Variants in METTL13 observed in about 807,000 individuals in gnomAD.
The protein encoded by METTL13 is eEF1A lysine and N-terminal methyltransferase.
In METTL13, 52 loss-of-function variants were observed where a neutral mutation model predicts 67.4. That is an observed-to-expected ratio of 0.77 (90% CI 0.62 to 0.97). The LOEUF (loss-of-function observed/expected upper bound fraction) is 0.97. Ranked by LOEUF, METTL13 falls within the 50% of genes least tolerant of loss-of-function variation. METTL13 has a pLI of 0.00. For synonymous variants in METTL13, 354 were observed against 353.6 expected, an observed-to-expected ratio of 1.00 and a Z score of -0.01; for missense variants, 825 against 889.6, an observed-to-expected ratio of 0.93 and a Z score of 0.92.
At chr1:171,791,716 G>A (rs1017377998) in intron 5 of METTL13, among the ~76,000 whole-genome samples, 1 of 152,010 alleles carries the variant, frequency 6.6e-6, no homozygotes, top group Admixed American at 6.6e-5. Flanking sequence ...TGCCCACCTC[G>A]GCCTCCCAAA....
At position 171,796,588 on chromosome 1, in the gene METTL13, T is replaced by C. The variant is rs770325575; in HGVS notation, c.1932T>C (p.Gly644=). 1 of 1,613,978 alleles carries C rather than the reference T, an allele frequency of 6.2e-7. No individual in the cohort carries two copies. The highest frequency in any genetic ancestry group is 1.7e-5 in the Admixed American group (1 of 59,992). The change falls in exon 8 of 8, where the codon GGT becomes GGC. Residue 644 remains glycine (G), a synonymous_variant. Transcript: ENST00000361735. The part of the protein sequence containing the change: ...FPLLYVRRIE[G]EVNEILFCQL... ...TCCTATATGTCCGGCGAATTGAGGG[T>C]GAAGTGAATGAGATCCTGTTCTGTC...
At position 171,797,333 on chromosome 1, in the gene METTL13, G is replaced by C. The variant is rs1187987654; in HGVS notation, c.*577G>C. ...ACTTCATTATTTGACAGCTTTCCTT[G>C]GTGACCCAAACCTTGTAGCCTAAGC... On this transcript the variant is annotated 3_prime_UTR_variant, in exon 8 of 8. Coordinates refer to ENST00000361735, the MANE Select transcript of METTL13 (RefSeq NM_015935.5). The C allele has an allele frequency of 6.5e-6, 1 of 152,986 alleles. No homozygotes were observed. The highest frequency in any genetic ancestry group is 1.5e-5 in the Non-Finnish European group (1 of 68,734). The allele number at this position is 152,986 out of a possible 1,614,324, so 9.5% of individuals were successfully genotyped here. A position where few individuals can be genotyped will look rare whatever the true frequency, so the allele number is the denominator to read the frequency against.
Position 171,792,125 on chromosome 1 carries a change from C to T in METTL13, c.1583C>T (p.Ser528Phe), listed in dbSNP as rs747849367. 12 of 1,614,108 alleles carry T rather than the reference C, an allele frequency of 7.4e-6. No homozygotes were observed. Among genetic ancestry groups the T allele is most frequent in the Non-Finnish European group, 1.0e-5 (12 of 1,180,024 alleles). Residue 528 changes from serine (S) to phenylalanine (F), a missense_variant, in exon 6 of 8, where the codon TCC (serine) becomes TTC (phenylalanine). Physicochemically the swap from Ser to Phe is radical, Grantham distance 155. Transcript: ENST00000361735. ...ATTGATGCTGTGGAGATCGATCCCT[C>T]CATGTTGGAAGTGGCCACCCAGTGG... Reference protein sequence around the residue: ...SCIDAVEIDPSMLEVATQWFG... With the variant: ...SCIDAVEIDPFMLEVATQWFG...
intron 6 of METTL13, among the ~76,000 whole-genome samples, chr1:171,793,768 G>C (rs1016702209): frequency 6.6e-6 from 1 of 152,150 alleles, no homozygotes; most frequent in African/African-American, 2.4e-5. Flanking sequence ...CTTGTTCATG[G>C]AACTGCAAAG....
rs1311162816 is a variant in METTL13 at position 171,787,473 on chromosome 1, G to T, written c.1114-262G>T. ...TTACTGATGAGAAAAACCCCTAAAAGAACTTGGGGAGAATCAGCTGCATCT... is the reference window on the plus strand; with the variant it reads ...TTACTGATGAGAAAAACCCCTAAAATAACTTGGGGAGAATCAGCTGCATCT... On this transcript the variant is annotated intron_variant, in intron 3 of 7. Coordinates refer to ENST00000361735, the MANE Select transcript of METTL13 (RefSeq NM_015935.5). 5.3e-5 allele frequency among the ~76,000 whole-genome samples: 8 copies of T among 152,264 alleles called. No homozygotes were observed. The South Asian group carries it at 8.3e-4, about 16-fold the overall frequency.
chr1:171,786,176 T>A, intron 3 of METTL13, 98 bp downstream of exon 3: 8 of 1,263,914 alleles, frequency 6.3e-6, no homozygotes, highest in South Asian at 3.0e-5. Context: ...CTAGAGTCTG[T>A]GACTCTTCAT....
chr1:171,791,077 T>A lies in METTL13; in HGVS notation c.1474+461T>A, dbSNP rs188969648. 1.7e-3 allele frequency among the ~76,000 whole-genome samples: 265 copies of A among 152,384 alleles called. 2 individuals are homozygous for A. The highest frequency in any genetic ancestry group is 1.4e-3 in the Non-Finnish European group (94 of 68,028). ...TGCATTAGTGAAATTGTTCATGTTT[T>A]GTCTGTGATTGTAACCGTTTTCACC... is the stretch of plus-strand genomic sequence containing the variant. On this transcript the variant is annotated intron_variant, in intron 5 of 7. Transcript: ENST00000361735.
In METTL13 at chr1:171,787,745, T is replaced by C; in HGVS notation, c.1124T>C (p.Leu375Pro). 1 of 1,611,636 alleles carries C rather than the reference T, an allele frequency of 6.2e-7. No homozygotes were observed. The highest frequency in any genetic ancestry group is 8.5e-7 in the Non-Finnish European group (1 of 1,177,916). Residue 375 changes from leucine to proline, a missense_variant, in exon 4 of 8, where the codon CTG (leucine) becomes CCG (proline). By Grantham distance (98) the Leu-to-Pro change is moderately conservative. Transcript: ENST00000361735. Reference sequence around the variant, plus strand: ...TGGTTGTACCTTCAGGTCCCCTTTCTGTCTGTGGGTGGGGACATTGGGGTC... The same window carrying C: ...TGGTTGTACCTTCAGGTCCCCTTTCCGTCTGTGGGTGGGGACATTGGGGTC... ...GMPTQQQVPF[L>P]SVGGDIGVRT...
Position 171,783,767 on chromosome 1 carries a change from G to A in METTL13, c.181G>A (p.Glu61Lys). The A allele has an allele frequency of 6.2e-7, 1 of 1,612,060 alleles. No individual in the cohort carries two copies. The highest frequency in any genetic ancestry group is 8.5e-7 in the Non-Finnish European group (1 of 1,178,584). ...KVLVIGCGNS[E>K]LSEQLYDVGY... is the part of the protein sequence containing the mutation. ...GCTGGTGATTGGGTGTGGCAACTCA[G>A]AACTGAGTGAGCAACTGTATGATGT... The change falls in exon 2 of 8, where the codon GAA becomes AAA. Residue 61 changes from glutamate to lysine, a missense_variant. Transcript: ENST00000361735.
At position 171,784,470 on chromosome 1, in the gene METTL13, C is replaced by T. The variant is rs768565654; in HGVS notation, c.884C>T (p.Ser295Leu). 1.1e-5 allele frequency: 16 copies of T among 1,504,770 alleles called. No individual in the cohort carries two copies. Among genetic ancestry groups the T allele is most frequent in the Admixed American group, 2.4e-5 (1 of 41,960 alleles). The allele number at this position is 1,504,770 out of a possible 1,614,324, so 93.2% of individuals were successfully genotyped here. The part of the protein sequence containing the change: ...HVVDSPTVKP[S>L]RDNHFAIFII... ...GTGGACAGCCCCACTGTGAAACCAT[C>T]GCGGGACAATCATTTTGCGATTTTC... Residue 295 changes from serine (S) to leucine (L), a missense_variant, in exon 2 of 8, where the codon TCG becomes TTG. Ser to Leu is a moderately radical substitution (Grantham distance 145). Coordinates refer to ENST00000361735, the MANE Select transcript of METTL13 (RefSeq NM_015935.5).
In METTL13 at chr1:171,783,866, C is replaced by G. The variant is rs778822022; in HGVS notation, c.280C>G (p.Arg94Gly). 2 of 1,614,156 alleles carry G rather than the reference C, an allele frequency of 1.2e-6. No homozygotes were observed. The highest frequency in any genetic ancestry group is 1.7e-6 in the Non-Finnish European group (2 of 1,180,042). ...IKQMKECNATRRPQMSFLKMD... is the reference protein window; with the variant it reads ...IKQMKECNATGRPQMSFLKMD... ...GCAAATGAAGGAATGTAATGCCACC[C>G]GACGGCCCCAGATGAGCTTCTTGAA... The change falls in exon 2 of 8, where the codon CGA (arginine) becomes GGA (glycine). Residue 94 changes from arginine to glycine, a missense_variant. Physicochemically the swap from Arg to Gly is moderately radical, Grantham distance 125 (BLOSUM62 -2). Coordinates refer to ENST00000361735, the MANE Select transcript of METTL13 (RefSeq NM_015935.5).
chr1:171,794,274 T>G, intron 6 of METTL13, 122 bp from the exon 7 acceptor site: 1 of 1,414,500 alleles, frequency 7.1e-7, no homozygotes, highest in Non-Finnish European at 9.7e-7. Flanking sequence ...CCACATCCTC[T>G]GTGTCATCCT....
intron 4 of METTL13, among the ~76,000 whole-genome samples, chr1:171,789,179 C>T (rs1443119865): frequency 6.6e-6 from 1 of 152,156 alleles, no homozygotes; most frequent in Non-Finnish European, 1.5e-5. Flanking sequence ...CGTTCTCCCT[C>T]ATGGGAGTAT....
chr1:171,784,961 C>T (rs986016564), intron 2 of METTL13, among the ~76,000 whole-genome samples: 1 of 152,166 alleles, frequency 6.6e-6, no homozygotes, highest in Non-Finnish European at 1.5e-5. Context: ...TTTGGAGAGG[C>T]AGCATAGGGT....
At chr1:171,784,567 G>A (rs931875818) in intron 2 of METTL13, 68 bp downstream of exon 2, 1 of 1,418,804 alleles carries the variant, frequency 7.0e-7, no homozygotes, top group Non-Finnish European at 9.2e-7. Flanking sequence ...TTGGGCTGGG[G>A]CTGGGGCTGA....
chr1:171,782,247 C>T, intron 1 of METTL13, 127 bp downstream of exon 1: 1 of 808,622 alleles, frequency 1.2e-6, no homozygotes. Flanking sequence ...TCAGCATTTC[C>T]TGCATTGTTC....
Position 171,796,421 on chromosome 1 carries a change from T to G in METTL13, c.1826-61T>G, listed in dbSNP as rs953464962. On this transcript the variant is annotated intron_variant, in intron 7 of 7. Coordinates refer to ENST00000361735, the MANE Select transcript of METTL13 (RefSeq NM_015935.5). ...GAATTGGTATTTTCCTCAAAGCCGATCCTTGTCTTTCATATGTCTCCTGAT... is the reference window on the plus strand; with the variant it reads ...GAATTGGTATTTTCCTCAAAGCCGAGCCTTGTCTTTCATATGTCTCCTGAT... 53 of 1,585,680 alleles carry G rather than the reference T, an allele frequency of 3.3e-5. No homozygotes were observed. The African/African-American group carries it at 5.0e-4, about 15-fold the overall frequency.
At chr1:171,782,411 T>C (rs983927106) in intron 1 of METTL13, among the ~76,000 whole-genome samples, 7 of 150,780 alleles carry the variant, frequency 4.6e-5, no homozygotes, top group African/African-American at 1.7e-4. Context: ...CTACAAAAAA[T>C]GAAAAAATTA....
chr1:171,784,446 T>C lies in METTL13; in HGVS notation c.860T>C (p.Val287Ala). The C allele has an allele frequency of 1.3e-6, 2 of 1,513,248 alleles. No homozygotes were observed. The highest frequency in any genetic ancestry group is 1.3e-5 in the South Asian group (1 of 74,942). The allele number at this position is 1,513,248 out of a possible 1,614,324, so 93.7% of individuals were successfully genotyped here. Residue 287 changes from valine to alanine, a missense_variant, in exon 2 of 8, where the codon GTG becomes GCG. Coordinates refer to ENST00000361735, the MANE Select transcript of METTL13 (RefSeq NM_015935.5). ...GAGCCACGCTACACCCTCCACGTGG[T>C]GGACAGCCCCACTGTGAAACCATCG... is the stretch of plus-strand genomic sequence containing the variant. ...TGEPRYTLHV[V>A]DSPTVKPSRD...
Sources: allele counts gnomAD v4.1 joint callset (sites outside exome capture counted in the v4.1 genomes callset), GRCh38; gene constraint gnomAD v4.1.1; transcripts MANE v1.5; gene names NCBI Gene and HGNC (gene_info 2026-07-23, HGNC 2026-07-21).